The following GALNT17 variants were observed in gnomAD, a reference collection of about 807,000 sequenced individuals.
GALNT17 encodes UDP-GalNAc:polypeptide N-acetylgalactosaminyltransferase-like 3.
GALNT17 carries 29 observed loss-of-function variants against 63.7 expected under a neutral mutation model. The ratio of observed to expected loss-of-function variants is 0.46; its 90% CI spans 0.34 to 0.62. The LOEUF (loss-of-function observed/expected upper bound fraction) is 0.62. Among genes scored for constraint, GALNT17 ranks in the 20% least tolerant of loss-of-function variants. GALNT17 has a pLI of 0.01. For synonymous variants in GALNT17, 305 were observed against 318.3 expected, an observed-to-expected ratio of 0.96 and a Z score of 0.45; for missense variants, 603 against 799.6, an observed-to-expected ratio of 0.75 and a Z score of 2.97.
chr7:71,338,686 C>T (rs888057261), intron 2 of GALNT17, among the ~76,000 whole-genome samples: 2 of 152,186 alleles, frequency 1.3e-5, no homozygotes, highest in African/African-American at 4.8e-5. Context: ...AACTCCACCT[C>T]CGCTTCTCAA....
chr7:71,256,432 A>G (rs1239248831), intron 1 of GALNT17, among the ~76,000 whole-genome samples: 1 of 152,178 alleles, frequency 6.6e-6, no homozygotes. Flanking sequence ...TTAGCTGGAC[A>G]TGGTGGCACA....
chr7:71,698,123 CAAAAAAAAAA>C (rs10708106), intron 9 of GALNT17, among the ~76,000 whole-genome samples: 2 of 107,746 alleles, frequency 1.9e-5, no homozygotes, highest in South Asian at 5.9e-4. Context: ...GACTCTGTCT[CAAAAAAAAAA>C]AAAAAAAAGA....
intron 1 of GALNT17, among the ~76,000 whole-genome samples, chr7:71,269,561 G>A (rs1790549088): frequency 6.6e-6 from 1 of 152,224 alleles, no homozygotes; most frequent in African/African-American, 2.4e-5. Context: ...AGTAGGGGCT[G>A]GAGGAAGTAT....
Position 71,377,114 on chromosome 7 carries a change from A to AAAATATATAT in GALNT17, c.423-11120_423-11119insAATATATATA. 1.1e-3 allele frequency among the ~76,000 whole-genome samples: 63 copies of AAAATATATAT among 57,456 alleles called. 8 individuals are homozygous for AAAATATATAT. Among genetic ancestry groups the AAAATATATAT allele is most frequent in the African/African-American group, 3.2e-3 (34 of 10,668 alleles). The allele number at this position is 57,456 out of a possible 152,430, so 37.7% of individuals were successfully genotyped here. A position where few individuals can be genotyped will look rare whatever the true frequency, so the allele number is the denominator to read the frequency against. On this transcript the variant is annotated intron_variant, in intron 2 of 10. Transcript: ENST00000333538. ...AAAAAAAAAAAATAAAAATAAAAAA[A>AAAATATATAT]ATATATATATATATATATATATATA...
At chr7:71,406,553 G>A (rs917670009) in intron 3 of GALNT17, among the ~76,000 whole-genome samples, 6 of 152,052 alleles carry the variant, frequency 3.9e-5, no homozygotes, top group Admixed American at 3.9e-4. Flanking sequence ...AGCAGAATAT[G>A]CAACCGAGTT....
At chr7:71,527,174 T>A (rs1788638280) in intron 5 of GALNT17, among the ~76,000 whole-genome samples, 1 of 152,164 alleles carries the variant, frequency 6.6e-6, no homozygotes. Flanking sequence ...ATGAATGAAG[T>A]TAATTCAGGA....
intron 6 of GALNT17, among the ~76,000 whole-genome samples, chr7:71,591,940 G>A (rs11770300): frequency 0.25 from 38,461 of 152,172 alleles, 4,989 homozygotes; most frequent in Admixed American, 0.27. Context: ...TGAGATTACA[G>A]GCATGAGCCA....
chr7:71,602,252 CT>C (rs1185403225), intron 6 of GALNT17, among the ~76,000 whole-genome samples: 1 of 152,308 alleles, frequency 6.6e-6, no homozygotes, highest in East Asian at 1.9e-4. Flanking sequence ...TTTATGCCAT[CT>C]TTTGACAAAT....
chr7:71,183,993 G>A (rs117398872), intron 1 of GALNT17, among the ~76,000 whole-genome samples: 3,424 of 152,160 alleles, frequency 0.023, 45 homozygotes, highest in Middle Eastern at 0.041. Context: ...AAATTCATAT[G>A]AAGTCCTAAC....
At chr7:71,452,930 C>T (rs1424287757) in intron 5 of GALNT17, among the ~76,000 whole-genome samples, 1 of 152,174 alleles carries the variant, frequency 6.6e-6, no homozygotes, top group African/African-American at 2.4e-5. Flanking sequence ...TCTGCCTTAA[C>T]ATGATTGGTG....
At chr7:71,418,373 G>A (rs1786586544) in intron 4 of GALNT17, among the ~76,000 whole-genome samples, 1 of 152,072 alleles carries the variant, frequency 6.6e-6, no homozygotes, top group East Asian at 1.9e-4. Flanking sequence ...CTTTTACCAG[G>A]TTCTACTGCA....
Position 71,421,950 on chromosome 7 carries a change from C to T in GALNT17, c.962+845C>T, listed in dbSNP as rs548741550. On this transcript the variant is annotated intron_variant, in intron 5 of 10. Transcript: ENST00000333538. ...GGGCAACAAGAGCAAAACTCTGTCT[C>T]GAAAAAAAAAAAAAAAAGCAAGGAG... Among the ~76,000 whole-genome samples the T allele has an allele frequency of 6.9e-4, 87 of 125,840 alleles. 2 individuals are homozygous for T. In the South Asian group the frequency reaches 0.021, roughly 30 times the overall value. 82.6% of individuals were successfully genotyped at this position (125,840 alleles called of 152,430 possible). A position where few individuals can be genotyped will look rare whatever the true frequency, so the allele number is the denominator to read the frequency against.
chr7:71,459,913 T>G (rs118027863), intron 5 of GALNT17, among the ~76,000 whole-genome samples: 2,882 of 152,326 alleles, frequency 0.019, 40 homozygotes, highest in African/African-American at 0.029. Flanking sequence ...TCCTTTCTAT[T>G]AACCCCAGGT....
chr7:71,658,119 C>G (rs1457999373), intron 6 of GALNT17, among the ~76,000 whole-genome samples: 2 of 152,130 alleles, frequency 1.3e-5, no homozygotes, highest in African/African-American at 4.8e-5. Context: ...GTTGCCCAGG[C>G]TGGTCTTGAA....
chr7:71,272,673 T>A (rs982001238), intron 1 of GALNT17, among the ~76,000 whole-genome samples: 1 of 152,208 alleles, frequency 6.6e-6, no homozygotes, highest in Admixed American at 6.5e-5. Context: ...GATTCCCTGT[T>A]TAGATTCACT....
intron 6 of GALNT17, among the ~76,000 whole-genome samples, chr7:71,643,841 C>T (rs1370579228): frequency 6.6e-6 from 1 of 152,180 alleles, no homozygotes; most frequent in Non-Finnish European, 1.5e-5. Flanking sequence ...AAGACCATTT[C>T]CCTTTATCAA....
intron 1 of GALNT17, among the ~76,000 whole-genome samples, chr7:71,210,605 A>G (rs895921129): frequency 6.6e-5 from 10 of 152,208 alleles, no homozygotes; most frequent in Non-Finnish European, 1.5e-4. Context: ...GATACACCAT[A>G]TTGGTAAAGC....
intron 6 of GALNT17, among the ~76,000 whole-genome samples, chr7:71,612,670 A>T (rs1790142759): frequency 6.6e-6 from 1 of 152,186 alleles, no homozygotes; most frequent in Non-Finnish European, 1.5e-5. Context: ...AACAAAAGAC[A>T]AGGGAACCGA....
intron 5 of GALNT17, among the ~76,000 whole-genome samples, chr7:71,565,123 C>T (rs991786472): frequency 2.0e-5 from 3 of 152,014 alleles, no homozygotes; most frequent in African/African-American, 4.8e-5. Flanking sequence ...AAAAATTAGC[C>T]GGGCATGGTG....
Sources: gnomAD v4.1 joint callset for allele counts (sites outside exome capture counted in the v4.1 genomes callset) on GRCh38, gnomAD v4.1.1 for gene constraint, MANE v1.5 for transcripts, NCBI Gene and HGNC (gene_info 2026-07-23, HGNC 2026-07-21) for gene names.